Variants in RGS7 observed in about 807,000 individuals in gnomAD.
RGS7 encodes regulator of G-protein signaling 7.
A neutral mutation model predicts 81.1 loss-of-function variants in RGS7; 27 were observed. The observed-to-expected ratio is 0.33, with a 90% CI of 0.25 to 0.46. The LOEUF (loss-of-function observed/expected upper bound fraction) is 0.46, where lower values mean the gene tolerates loss of function less well. RGS7 is among the 20% of genes least tolerant of loss of function. RGS7 has a pLI of 1.00. For missense variants in RGS7, 396 were observed against 607.4 expected (o/e 0.65, Z 3.66); for synonymous variants, 208 against 207.7 (o/e 1.00, Z -0.01).
At chr1:241,232,999 T>A (rs2815853) in intron 2 of RGS7, among the ~76,000 whole-genome samples, 22,196 of 152,184 alleles carry the variant, frequency 0.15, 1,923 homozygotes, top group African/African-American at 0.24. Flanking sequence ...TCTTATAATC[T>A]TTTTACAGGA....
intron 2 of RGS7, among the ~76,000 whole-genome samples, chr1:241,258,580 T>C (rs2077156580): frequency 6.6e-6 from 1 of 152,164 alleles, no homozygotes. Flanking sequence ...GTAACATCCT[T>C]TCCCAGGTGG....
chr1:240,791,564 C>G (rs1427674801), intron 18 of RGS7, among the ~76,000 whole-genome samples: 2 of 152,136 alleles, frequency 1.3e-5, no homozygotes, highest in African/African-American at 4.8e-5. Context: ...AGCTTGTCAT[C>G]AGTATAAAAA....
chr1:240,973,200 G>C (rs968467777), intron 4 of RGS7, among the ~76,000 whole-genome samples: 1 of 152,118 alleles, frequency 6.6e-6, no homozygotes, highest in African/African-American at 2.4e-5. Context: ...GCTACTTCAT[G>C]ATATTGATAT....
intron 18 of RGS7, among the ~76,000 whole-genome samples, chr1:240,788,821 G>A (rs1685484826): frequency 6.6e-6 from 1 of 152,162 alleles, no homozygotes; most frequent in African/African-American, 2.4e-5. Flanking sequence ...TTGAGGTATG[G>A]ATAGTTGGAC....
At chr1:241,045,885 A>T (rs1029562039) in intron 3 of RGS7, among the ~76,000 whole-genome samples, 4 of 152,120 alleles carry the variant, frequency 2.6e-5, no homozygotes, top group African/African-American at 9.7e-5. Context: ...CTGGAGTTCT[A>T]TTCAGGGGAT....
At chr1:240,782,178 C>T (rs754767857) in intron 18 of RGS7, among the ~76,000 whole-genome samples, 3 of 152,196 alleles carry the variant, frequency 2.0e-5, no homozygotes, top group Non-Finnish European at 2.9e-5. Context: ...ATAAGCCCTA[C>T]TCTAGTGCAC....
rs183510541 is a variant in RGS7 at position 241,068,409 on chromosome 1, T to C, written c.175+30257A>G. On this transcript the variant is annotated intron_variant, in intron 3 of 18. Coordinates refer to ENST00000440928, the MANE Select transcript of RGS7 (RefSeq NM_001364886.1). Reference sequence around the variant, plus strand: ...TCTGCTCTATGATAGCTCACAACCATAGCTAAAACATCCTGAGCATCTTCT... The same window carrying C: ...TCTGCTCTATGATAGCTCACAACCACAGCTAAAACATCCTGAGCATCTTCT... Among the ~76,000 whole-genome samples, 28 of 151,324 alleles carry C rather than the reference T, an allele frequency of 1.9e-4. No individual in the cohort carries two copies. In the East Asian group the frequency reaches 3.1e-3, roughly 17 times the overall value.
At chr1:240,811,140 G>A (rs1289932420) in intron 14 of RGS7, among the ~76,000 whole-genome samples, 1 of 152,158 alleles carries the variant, frequency 6.6e-6, no homozygotes, top group Non-Finnish European at 1.5e-5. Context: ...TTACAGGACT[G>A]CATAAGTCAT....
At chr1:240,910,928 C>G (rs945444880) in intron 6 of RGS7, among the ~76,000 whole-genome samples, 1 of 152,106 alleles carries the variant, frequency 6.6e-6, no homozygotes, top group African/African-American at 2.4e-5. Context: ...CCATGTTGGT[C>G]AGGCCAGGCA....
chr1:241,306,743 C>T (rs1409164173), intron 2 of RGS7, among the ~76,000 whole-genome samples: 6 of 151,476 alleles, frequency 4.0e-5, no homozygotes, highest in Admixed American at 2.6e-4. Flanking sequence ...GCACACGTCC[C>T]CACACTCGCA....
chr1:241,305,065 T>C (rs150667926), intron 2 of RGS7, among the ~76,000 whole-genome samples: 98 of 152,382 alleles, frequency 6.4e-4, no homozygotes, highest in African/African-American at 2.3e-3. Flanking sequence ...TGTTTTTAAA[T>C]GGTACATGCT....
intron 2 of RGS7, among the ~76,000 whole-genome samples, chr1:241,136,451 G>T (rs2067521836): frequency 6.6e-6 from 1 of 152,140 alleles, no homozygotes; most frequent in South Asian, 2.1e-4. Flanking sequence ...GAGATAAGGG[G>T]GGGGATGTTC....
At position 241,327,043 on chromosome 1, in the gene RGS7, GGAGGGGA is replaced by G. The variant is rs1355610602; in HGVS notation, c.78+28649_78+28655del. On this transcript the variant is annotated intron_variant, in intron 2 of 18. Transcript: ENST00000440928. ...GGAAGGAAGGAAGGAAGGAAGGGAG[GGAGGGGA>G]AAGGAAGGAAGAAGGAAGGAAGGAA... is the stretch of plus-strand genomic sequence containing the variant. Among the ~76,000 whole-genome samples the G allele has an allele frequency of 2.8e-3, 90 of 32,290 alleles. 5 individuals carry two copies. The highest frequency in any genetic ancestry group is 0.017 in the Middle Eastern group (1 of 60). The allele number at this position is 32,290 out of a possible 152,430, so 21.2% of individuals were successfully genotyped here. A position where few individuals can be genotyped will look rare whatever the true frequency, so the allele number is the denominator to read the frequency against.
At chr1:240,944,851 C>A (rs144307264) in intron 4 of RGS7, among the ~76,000 whole-genome samples, 374 of 152,322 alleles carry the variant, frequency 2.5e-3, no homozygotes, top group Middle Eastern at 0.017. Flanking sequence ...GTAGCTGGGA[C>A]TACAGGCATG....
At chr1:240,910,807 T>A (rs1371573996) in intron 6 of RGS7, among the ~76,000 whole-genome samples, 1 of 152,074 alleles carries the variant, frequency 6.6e-6, no homozygotes, top group African/African-American at 2.4e-5. Flanking sequence ...AACCTCCGCC[T>A]CCCAGGTTCA....
rs192215567 is a variant in RGS7 at position 241,263,894 on chromosome 1, G to C, written c.78+91805C>G. 1.1e-4 allele frequency among the ~76,000 whole-genome samples: 17 copies of C among 152,256 alleles called. No individual in the cohort carries two copies. In the East Asian group the frequency reaches 3.3e-3, roughly 29 times the overall value. ...TCTTATATCCCTGGAAACACAGCAG[G>C]AACTACTCAGAAGTCACAGAACTTC... On this transcript the variant is annotated intron_variant, in intron 2 of 18. Transcript: ENST00000440928.
At chr1:240,846,755 A>G (rs909276994) in intron 9 of RGS7, among the ~76,000 whole-genome samples, 1 of 152,190 alleles carries the variant, frequency 6.6e-6, no homozygotes, top group African/African-American at 2.4e-5. Context: ...AGATTAGGAT[A>G]TACAAACATG....
chr1:240,993,698 A>AAT (rs983625848), intron 3 of RGS7, among the ~76,000 whole-genome samples: 4 of 152,016 alleles, frequency 2.6e-5, no homozygotes, highest in African/African-American at 7.2e-5. Flanking sequence ...AAAAAAAAAA[A>AAT]GTTTTTAATT....
intron 6 of RGS7, chr1:240,919,833 T>A: frequency 1.3e-6 from 1 of 774,118 alleles, no homozygotes. Context: ...GTTTGTCACA[T>A]AGGCCACTGT....
Sources: allele counts gnomAD v4.1 joint callset (sites outside exome capture counted in the v4.1 genomes callset), GRCh38; gene constraint gnomAD v4.1.1; transcripts MANE v1.5; gene names NCBI Gene and HGNC (gene_info 2026-07-23, HGNC 2026-07-21).